CNBD1: variants seen among roughly 807,000 people sequenced by gnomAD.
CNBD1 encodes the protein cyclic nucleotide-binding domain-containing protein 1.
CNBD1 carries 71 observed loss-of-function variants against 54.4 expected under a neutral mutation model. The observed-to-expected ratio is 1.30, with a 90% confidence interval of 1.08 to 1.59. The LOEUF (loss-of-function observed/expected upper bound fraction) is 1.59, where lower values mean the gene tolerates loss of function less well. CNBD1 is among the 40% of genes most tolerant of loss of function. CNBD1 has a pLI of 0.00. For synonymous variants in CNBD1, 182 were observed against 170.7 expected, an observed-to-expected ratio of 1.07 and a Z score of -0.51; for missense variants, 659 against 518.0, an observed-to-expected ratio of 1.27 and a Z score of -2.64.
At chr8:86,928,262 G>A (rs1007931517) in intron 3 of CNBD1, among the ~76,000 whole-genome samples, 4 of 152,160 alleles carry the variant, frequency 2.6e-5, no homozygotes, top group Admixed American at 1.3e-4. Context: ...CATCCATACA[G>A]CATTTCATAT....
intron 4 of CNBD1, among the ~76,000 whole-genome samples, chr8:87,145,810 A>G (rs529664098): frequency 6.6e-6 from 1 of 152,210 alleles, no homozygotes; most frequent in Non-Finnish European, 1.5e-5. Context: ...TTTTATCCCT[A>G]TTTCAGTTCA....
At chr8:87,102,613 T>C (rs1811452753) in intron 4 of CNBD1, among the ~76,000 whole-genome samples, 1 of 147,430 alleles carries the variant, frequency 6.8e-6, no homozygotes, top group Admixed American at 6.7e-5. Flanking sequence ...GGACTTTTTT[T>C]TGTTGTTTGT....
At chr8:87,157,030 T>C (rs186810220) in intron 4 of CNBD1, among the ~76,000 whole-genome samples, 3 of 152,122 alleles carry the variant, frequency 2.0e-5, no homozygotes, top group Admixed American at 2.0e-4. Flanking sequence ...CCCTGTACAT[T>C]GAGGGAGTTA....
intron 4 of CNBD1, among the ~76,000 whole-genome samples, chr8:87,102,322 GGC>G (rs1811445388): frequency 1.3e-5 from 2 of 152,130 alleles, no homozygotes; most frequent in Admixed American, 1.3e-4. Context: ...TGAGAAGGAA[GGC>G]AGTTTACATG....
chr8:87,162,115 A>G (rs184646947), intron 4 of CNBD1, among the ~76,000 whole-genome samples: 89 of 152,200 alleles, frequency 5.8e-4, no homozygotes, highest in Middle Eastern at 6.8e-3. Flanking sequence ...CTAAAACATA[A>G]TCTTAGATTA....
chr8:86,946,730 G>A (rs1265463507), intron 4 of CNBD1, among the ~76,000 whole-genome samples: 7 of 152,026 alleles, frequency 4.6e-5, no homozygotes, highest in Non-Finnish European at 5.9e-5. Context: ...GGAACACAAA[G>A]TCTTTTAAGA....
intron 4 of CNBD1, among the ~76,000 whole-genome samples, chr8:87,139,092 A>G (rs1171475759): frequency 1.3e-5 from 2 of 152,230 alleles, no homozygotes; most frequent in African/African-American, 2.4e-5. Context: ...TTGTGAAAGG[A>G]TGATATTGTG....
intron 2 of CNBD1, among the ~76,000 whole-genome samples, chr8:87,389,024 G>T (rs975181460): frequency 6.6e-6 from 1 of 152,164 alleles, no homozygotes; most frequent in African/African-American, 2.4e-5. Context: ...AATAGATGCA[G>T]AAAAGGCCTT....
At chr8:87,013,702 A>G (rs964786021) in intron 4 of CNBD1, among the ~76,000 whole-genome samples, 2 of 150,922 alleles carry the variant, frequency 1.3e-5, no homozygotes, top group Non-Finnish European at 2.9e-5. Flanking sequence ...AAGTAAAGCT[A>G]TAGGATCTTT....
At chr8:87,343,763 G>C (rs1810115229) in intron 8 of CNBD1, among the ~76,000 whole-genome samples, 1 of 151,764 alleles carries the variant, frequency 6.6e-6, no homozygotes, top group African/African-American at 2.4e-5. Context: ...ATATTCTATG[G>C]GTTTTCATAA....
chr8:87,070,412 A>G (rs532671573), intron 4 of CNBD1, among the ~76,000 whole-genome samples: 5 of 152,104 alleles, frequency 3.3e-5, no homozygotes, highest in Non-Finnish European at 5.9e-5. Context: ...CGGATTGTTA[A>G]TTACAGATAA....
At chr8:87,047,204 T>A (rs1810214420) in intron 4 of CNBD1, among the ~76,000 whole-genome samples, 1 of 152,178 alleles carries the variant, frequency 6.6e-6, no homozygotes, top group African/African-American at 2.4e-5. Flanking sequence ...TCTGCTATCA[T>A]TCTATCAACT....
At position 87,391,263 on chromosome 8, in the gene CNBD1, A is replaced by C. The variant is rs576610603; in HGVS notation, c.214-37283A>C. Among the ~76,000 whole-genome samples, 309 of 152,048 alleles carry C rather than the reference A, an allele frequency of 2.0e-3. 1 individual carries two copies. Among genetic ancestry groups the C allele is most frequent in the Non-Finnish European group, 3.6e-3 (247 of 67,978 alleles). On this transcript the variant is annotated intron_variant, in intron 2 of 7. Coordinates refer to the CNBD1 transcript ENST00000521593. ...TAATAAAAAAAAGAAATTTCAAATA[A>C]AAAAAAGATAACGATTGCAGATACC...
chr8:87,298,054 G>C (rs1437573001), intron 8 of CNBD1, among the ~76,000 whole-genome samples: 2 of 151,614 alleles, frequency 1.3e-5, no homozygotes, highest in East Asian at 1.9e-4. Context: ...AAGCTGAGCT[G>C]TATTTTAAAT....
intron 8 of CNBD1, among the ~76,000 whole-genome samples, chr8:87,336,121 C>G (rs1458334388): frequency 6.6e-6 from 1 of 152,080 alleles, no homozygotes; most frequent in African/African-American, 2.4e-5. Flanking sequence ...CTCTGGCTGC[C>G]CTTAACATTT....
intron 10 of CNBD1, among the ~76,000 whole-genome samples, chr8:87,375,804 A>G (rs1317271526): frequency 6.6e-6 from 1 of 151,924 alleles, no homozygotes; most frequent in African/African-American, 2.4e-5. Context: ...TCTTTTGCAA[A>G]GGTACACTGA....
chr8:87,128,271 TAA>T (rs1289632297), intron 4 of CNBD1, among the ~76,000 whole-genome samples: 1 of 152,204 alleles, frequency 6.6e-6, no homozygotes, highest in East Asian at 1.9e-4. Context: ...ATGGCAAGGC[TAA>T]AAGAGGATAC....
At chr8:86,907,973 T>C (rs536362574) in intron 3 of CNBD1, among the ~76,000 whole-genome samples, 35 of 152,360 alleles carry the variant, frequency 2.3e-4, no homozygotes, top group African/African-American at 7.7e-4. Context: ...CATTGTCATA[T>C]ATTTAACACT....
At chr8:87,156,377 T>C (rs1390126153) in intron 4 of CNBD1, among the ~76,000 whole-genome samples, 1 of 150,482 alleles carries the variant, frequency 6.6e-6, no homozygotes, top group Non-Finnish European at 1.5e-5. Flanking sequence ...TCCATGTAGC[T>C]GGAATTACAG....
Sources: gnomAD v4.1 joint callset for allele counts (sites outside exome capture counted in the v4.1 genomes callset) on GRCh38, gnomAD v4.1.1 for gene constraint, MANE v1.5 for transcripts, NCBI Gene and HGNC (gene_info 2026-07-23, HGNC 2026-07-21) for gene names.